The following RBM23 variants were observed in gnomAD, a reference collection of about 807,000 sequenced individuals.
The protein encoded by RBM23 is probable RNA-binding protein 23.
RBM23 carries 53 observed loss-of-function variants against 56.2 expected under a neutral mutation model. That is an observed-to-expected ratio of 0.94 (90% CI 0.76 to 1.19). RBM23 has a LOEUF of 1.19. RBM23 is among the 50% of genes most tolerant of loss of function. The pLI is 0.00. For missense variants in RBM23, 642 were observed against 590.3 expected (o/e 1.09, Z -0.91); for synonymous variants, 197 against 198.5 (o/e 0.99, Z 0.06).
At chr14:22,902,452 C>T (rs1460314074) in intron 10 of RBM23, 70 bp from the exon 11 acceptor site, 13 of 1,527,192 alleles carry the variant, frequency 8.5e-6, no homozygotes, top group Non-Finnish European at 1.1e-5. Context: ...CAGTAACACT[C>T]CCTAGTCCTA....
rs1009355149 is a variant in RBM23, at chr14:22,902,047, G to C, written c.1179C>G (p.Ala393=). The change falls in exon 12 of 14, where the codon GCC becomes GCG. Residue 393 remains alanine (A), a synonymous_variant. Coordinates refer to ENST00000359890, the MANE Select transcript of RBM23 (RefSeq NM_001077351.2). ...CATTCAGTTGCAAGGCAGCAGCCTG[G>C]GCGGCGGCGGCAGCAGCAGCAGCAG... ...STAAAAAAAA[A]QAAALQLNGA... is the part of the protein sequence containing the mutation. 6.7e-7 allele frequency: 1 copy of C among 1,501,016 alleles called. No individual in the cohort carries two copies. 93.0% of individuals were successfully genotyped at this position (1,501,016 alleles called of 1,614,324 possible).
At position 22,898,620 on chromosome 14, in the gene RBM23, G is replaced by A. The variant is rs1281274775; in HGVS notation, c.*3110C>T. On this transcript the variant is annotated 3_prime_UTR_variant, in exon 14 of 14. Coordinates refer to ENST00000359890, the MANE Select transcript of RBM23 (RefSeq NM_001077351.2). The stretch of plus-strand genomic sequence containing the variant: ...TAAGACTGGAAATTGTCTTAGATAC[G>A]TCCTTACTTCCAACATTGTCTCTCT... 1 of 151,834 alleles carries A rather than the reference G, an allele frequency of 6.6e-6. No homozygotes were observed. Among genetic ancestry groups the A allele is most frequent in the South Asian group, 2.1e-4 (1 of 4,816 alleles). 9.4% of individuals were successfully genotyped at this position (151,834 alleles called of 1,614,324 possible).
intron 1 of RBM23, among the ~76,000 whole-genome samples, chr14:22,912,683 A>C (rs1437264708): frequency 6.6e-6 from 1 of 152,150 alleles, no homozygotes; most frequent in Admixed American, 6.6e-5. Context: ...TTCCATTTAC[A>C]TAAAATTCTA....
intron 2 of RBM23, among the ~76,000 whole-genome samples, chr14:22,910,674 G>A (rs997095075): frequency 2.0e-5 from 3 of 151,900 alleles, no homozygotes; most frequent in Admixed American, 2.0e-4. Context: ...CTCGAGACCA[G>A]CCCAGGCAAC....
rs990951905 is a variant in RBM23, at chr14:22,902,493, G to T, written c.931-111C>A. ...CCAGGAAAATTGTATGCTCACTGAG[G>T]TACAAACTTTTCTTTCCCAGAAAAT... On this transcript the variant is annotated intron_variant, in intron 10 of 13. Transcript: ENST00000359890. The T allele has an allele frequency of 1.0e-5, 15 of 1,437,670 alleles. No individual in the cohort carries two copies. In the Admixed American group the frequency reaches 2.0e-4, roughly 19 times the overall value. 89.1% of individuals were successfully genotyped at this position (1,437,670 alleles called of 1,614,324 possible). A position where few individuals can be genotyped will look rare whatever the true frequency, so the allele number is the denominator to read the frequency against.
Position 22,904,996 on chromosome 14 carries a change from A to T in RBM23, c.743T>A (p.Leu248Gln). ...VQASQAEKNRLAAMANNLQKG... is the reference protein window; with the variant it reads ...VQASQAEKNRQAAMANNLQKG... ...TTGCAGGTTGTTGGCCATGGCTGCC[A>T]GTCGGTTTTTCTCTGCCTGGGGAAG... is the stretch of plus-strand genomic sequence containing the variant. Residue 248 changes from leucine (L) to glutamine (Q), a missense_variant, in exon 9 of 14, where the codon CTG (leucine) becomes CAG (glutamine). Coordinates refer to ENST00000359890, the MANE Select transcript of RBM23 (RefSeq NM_001077351.2). 6.2e-7 allele frequency: 1 copy of T among 1,614,210 alleles called. No individual in the cohort carries two copies. The highest frequency in any genetic ancestry group is 2.2e-5 in the East Asian group (1 of 44,894).
rs753243424 is a variant in RBM23 at position 22,906,359 on chromosome 14, T to C, written c.237A>G (p.Arg79=). Residue 79 remains arginine, a synonymous_variant, in exon 5 of 14, where the codon CGA becomes CGG. Transcript: ENST00000359890. ...TTCTCCGTCTATACCGATCCCGATCTCGACTACGACTACAGAGGGAAACAA... is the reference window on the plus strand; with the variant it reads ...TTCTCCGTCTATACCGATCCCGATCCCGACTACGACTACAGAGGGAAACAA... ...KSRDRKRSRS[R]DRDRYRRRNS... 56 of 1,614,136 alleles carry C rather than the reference T, an allele frequency of 3.5e-5. No individual in the cohort carries two copies. The highest frequency in any genetic ancestry group is 4.7e-5 in the Non-Finnish European group (55 of 1,180,026).
rs1442916793 is a variant in RBM23, at chr14:22,899,569, CAG to C, written c.*2159_*2160del. 1.3e-5 allele frequency: 2 copies of C among 152,230 alleles called. No homozygotes were observed. Among genetic ancestry groups the C allele is most frequent in the Admixed American group, 6.5e-5 (1 of 15,272 alleles). The allele number at this position is 152,230 out of a possible 1,614,324, so 9.4% of individuals were successfully genotyped here. On this transcript the variant is annotated 3_prime_UTR_variant, in exon 14 of 14. Coordinates refer to ENST00000359890, the MANE Select transcript of RBM23 (RefSeq NM_001077351.2). ...CTACTTTTTGTATTTCTAGTAGAGA[CAG>C]AGTTTCACCATGTTGGCCAGGCTGG...
At chr14:22,905,585 C>G (rs751528090) in intron 6 of RBM23, 21 bp downstream of exon 6, 63 of 1,608,214 alleles carry the variant, frequency 3.9e-5, no homozygotes, top group Non-Finnish European at 5.2e-5. Context: ...ATCCCTAAAA[C>G]AGTGTTCATT....
chr14:22,906,129 C>A, intron 5 of RBM23, 66 bp downstream of exon 5: 1 of 1,558,378 alleles, frequency 6.4e-7, no homozygotes, highest in South Asian at 1.2e-5. Flanking sequence ...AAGCAGGGTT[C>A]ATAGTGCATT....
chr14:22,909,218 C>G (rs1368362975), intron 3 of RBM23, among the ~76,000 whole-genome samples: 1 of 152,164 alleles, frequency 6.6e-6, no homozygotes, highest in African/African-American at 2.4e-5. Flanking sequence ...GCTGGGATTA[C>G]AGGTGTGAGC....
In RBM23 at chr14:22,904,315, A is replaced by G. The variant is rs749517511; in HGVS notation, c.876T>C (p.Ile292=). The change falls in exon 10 of 14, where the codon ATT becomes ATC. Residue 292 remains isoleucine (I), a synonymous_variant. Transcript: ENST00000359890. ...IFEPFGKIDN[I]VLMKDSDTGR... is the part of the protein sequence containing the mutation. ...CTGTATCTGAGTCCTTCATCAGGAC[A>G]ATATTATCAATCTGTAGAAGAGTGA... The G allele has an allele frequency of 1.9e-6, 3 of 1,607,994 alleles. No individual in the cohort carries two copies. Among genetic ancestry groups the G allele is most frequent in the Non-Finnish European group, 2.6e-6 (3 of 1,174,728 alleles).
Position 22,906,297 on chromosome 14 carries a change from T to C in RBM23, c.299A>G (p.His100Arg). The C allele has an allele frequency of 6.2e-7, 1 of 1,614,228 alleles. No homozygotes were observed. The highest frequency in any genetic ancestry group is 8.5e-7 in the Non-Finnish European group (1 of 1,180,040). Reference protein sequence around the residue: ...RSRSPGRQCRHRSRSWDRRHG... With the variant: ...RSRSPGRQCRRRSRSWDRRHG... Reference sequence around the variant, plus strand: ...TCGACGATCCCAGCTACGGCTACGGTGACGACACTGCCGACCTGGACTTCG... The same window carrying C: ...TCGACGATCCCAGCTACGGCTACGGCGACGACACTGCCGACCTGGACTTCG... The change falls in exon 5 of 14, where the codon CAC (histidine) becomes CGC (arginine). Residue 100 changes from histidine (H) to arginine (R), a missense_variant. Transcript: ENST00000359890.
rs1449811125 is a variant in RBM23 at position 22,901,700 on chromosome 14, C to T, written c.*30G>A. On this transcript the variant is annotated 3_prime_UTR_variant, in exon 14 of 14. Coordinates refer to ENST00000359890, the MANE Select transcript of RBM23 (RefSeq NM_001077351.2). ...GATGTGAAGTGGCAGGATCCAGAGGCACAAGGAGGCAGTATACTGTGCCAC... is the reference window on the plus strand; with the variant it reads ...GATGTGAAGTGGCAGGATCCAGAGGTACAAGGAGGCAGTATACTGTGCCAC... 2 of 1,610,548 alleles carry T rather than the reference C, an allele frequency of 1.2e-6. No individual in the cohort carries two copies. Among genetic ancestry groups the T allele is most frequent in the East Asian group, 4.5e-5 (2 of 44,870 alleles).
In RBM23 at chr14:22,908,393, G is replaced by A. The variant is rs533510741; in HGVS notation, c.180-13C>T. 2.1e-5 allele frequency: 33 copies of A among 1,542,020 alleles called. 1 individual carries two copies. The South Asian group carries it at 3.7e-4, about 17-fold the overall frequency. On this transcript the variant is annotated splice_polypyrimidine_tract_variant and intron_variant, in intron 3 of 13. Transcript: ENST00000359890. Reference sequence around the variant, plus strand: ...ACTCCTCTTCTTCCTGTGAAAGAGAGTACATTCTTCTTTTTTTTTTTTTAA... The same window carrying A: ...ACTCCTCTTCTTCCTGTGAAAGAGAATACATTCTTCTTTTTTTTTTTTTAA...
chr14:22,902,044 C>T lies in RBM23; in HGVS notation c.1182G>A (p.Gln394=), dbSNP rs2138888422. The T allele has an allele frequency of 6.6e-7, 1 of 1,505,882 alleles. No individual in the cohort carries two copies. Among genetic ancestry groups the T allele is most frequent in the Non-Finnish European group, 9.1e-7 (1 of 1,094,134 alleles). 93.3% of individuals were successfully genotyped at this position (1,505,882 alleles called of 1,614,324 possible). Residue 394 remains glutamine (Q), a synonymous_variant, in exon 12 of 14, where the codon CAG becomes CAA. Coordinates refer to ENST00000359890, the MANE Select transcript of RBM23 (RefSeq NM_001077351.2). Reference sequence around the variant, plus strand: ...CTCCATTCAGTTGCAAGGCAGCAGCCTGGGCGGCGGCGGCAGCAGCAGCAG... The same window carrying T: ...CTCCATTCAGTTGCAAGGCAGCAGCTTGGGCGGCGGCGGCAGCAGCAGCAG... ...TAAAAAAAAA[Q]AAALQLNGAV...
intron 1 of RBM23, among the ~76,000 whole-genome samples, chr14:22,918,087 G>A (rs1433221525): frequency 6.6e-6 from 1 of 152,130 alleles, no homozygotes; most frequent in Non-Finnish European, 1.5e-5. Context: ...TCCCCATGTT[G>A]TGTAGCTTTA....
At chr14:22,918,115 C>T (rs2043883684) in intron 1 of RBM23, among the ~76,000 whole-genome samples, 1 of 152,214 alleles carries the variant, frequency 6.6e-6, no homozygotes, top group Admixed American at 6.5e-5. Flanking sequence ...GTCCTATAGG[C>T]CGGGCGCGGT....
rs1182207665 is a variant in RBM23, at chr14:22,904,331, A to AG, written c.865-6dup. 10 of 1,601,552 alleles carry AG rather than the reference A, an allele frequency of 6.2e-6. No homozygotes were observed. The highest frequency in any genetic ancestry group is 8.6e-6 in the Non-Finnish European group (10 of 1,169,306). On this transcript the variant is annotated splice_polypyrimidine_tract_variant and splice_region_variant and intron_variant, in intron 9 of 13. Transcript: ENST00000359890. ...CATCAGGACAATATTATCAATCTGT[A>AG]GAAGAGTGAGAAATTATCAGTAAAC...
Sources: gnomAD v4.1 joint callset for allele counts (sites outside exome capture counted in the v4.1 genomes callset) on GRCh38, gnomAD v4.1.1 for gene constraint, MANE v1.5 for transcripts, NCBI Gene and HGNC (gene_info 2026-07-23, HGNC 2026-07-21) for gene names.